The following B4GALT2 variants were observed in gnomAD, a reference collection of about 807,000 sequenced individuals.
B4GALT2 encodes N-acetyllactosamine synthase.
Under a neutral mutation model 33.2 loss-of-function variants are expected in B4GALT2, and 18 were observed. The observed-to-expected ratio is 0.54, with a 90% CI of 0.38 to 0.80. B4GALT2 has a LOEUF of 0.80. Among genes scored for constraint, B4GALT2 ranks in the 30% least tolerant of loss-of-function variants. The pLI is 0.00. For synonymous variants in B4GALT2, 214 were observed against 217.6 expected (o/e 0.98, Z 0.15); for missense variants, 404 against 526.2 (o/e 0.77, Z 2.27).
rs1020562966 is a variant in B4GALT2, at chr1:43,982,943, T to C, written c.549+1019T>C. 4.0e-5 allele frequency among the ~76,000 whole-genome samples: 6 copies of C among 149,336 alleles called. No homozygotes were observed. Among genetic ancestry groups the C allele is most frequent in the Non-Finnish European group, 8.9e-5 (6 of 67,288 alleles). On this transcript the variant is annotated intron_variant, in intron 3 of 6. Transcript: ENST00000372324. The surrounding 1 kb of genome is among the most constrained non-coding windows in gnomAD (Gnocchi z 4.3). Reference sequence around the variant, plus strand: ...ACCCTGCGGATGTGTGGGGCGGGAGTCGCGGGGAAGAAGTGGGGTTGTTAC... The same window carrying C: ...ACCCTGCGGATGTGTGGGGCGGGAGCCGCGGGGAAGAAGTGGGGTTGTTAC...
At position 43,981,724 on chromosome 1, in the gene B4GALT2, C is replaced by T. The variant is rs2085599190; in HGVS notation, c.349C>T (p.Pro117Ser). ...RLLIEFTSPM[P>S]LERVQRENPG... is the part of the protein sequence containing the mutation. ...GCTGATCGAGTTCACCTCACCCATG[C>T]CCCTGGAGCGGGTGCAGAGGGAGAA... The change falls in exon 3 of 7, where the codon CCC becomes TCC. Residue 117 changes from proline (P) to serine (S), a missense_variant. Coordinates refer to ENST00000372324, the MANE Select transcript of B4GALT2 (RefSeq NM_003780.5). The surrounding 1 kb of genome is among the most constrained non-coding windows in gnomAD (Gnocchi z 8.1). The T allele has an allele frequency of 6.2e-7, 1 of 1,613,032 alleles. No individual in the cohort carries two copies. The highest frequency in any genetic ancestry group is 8.5e-7 in the Non-Finnish European group (1 of 1,179,812).
Position 43,979,862 on chromosome 1 carries a change from G to T in B4GALT2, c.-53+351G>T. On this transcript the variant is annotated intron_variant, in intron 1 of 6. Coordinates refer to ENST00000372324, the MANE Select transcript of B4GALT2 (RefSeq NM_003780.5). The surrounding 1 kb of genome is among the most constrained non-coding windows in gnomAD (Gnocchi z 4.8). The stretch of plus-strand genomic sequence containing the variant: ...CCCACCCGGTCTGTGCGGCCTGCCC[G>T]TCCGCGGGTGCCACGTGTTCAGCCT... The T allele has an allele frequency of 3.8e-6, 3 of 795,500 alleles. No homozygotes were observed. The highest frequency in any genetic ancestry group is 5.9e-6 in the Non-Finnish European group (3 of 510,924). The allele number at this position is 795,500 out of a possible 1,614,324, so 49.3% of individuals were successfully genotyped here.
intron 1 of B4GALT2, chr1:43,980,007 G>C: frequency 6.6e-7 from 1 of 1,523,372 alleles, no homozygotes; most frequent in Non-Finnish European, 8.8e-7. Flanking sequence ...TGAGAGTCTG[G>C]ATGTATGGCT....
At chr1:43,985,109 G>A in intron 4 of B4GALT2, 54 bp downstream of exon 4, 1 of 1,597,872 alleles carries the variant, frequency 6.3e-7, no homozygotes, top group Non-Finnish European at 8.6e-7. Context: ...CCAGACGCAG[G>A]CCCACTTCCA....
At chr1:43,988,762 G>A (rs1032414195) in intron 6 of B4GALT2, among the ~76,000 whole-genome samples, 3 of 146,920 alleles carry the variant, frequency 2.0e-5, no homozygotes, top group Middle Eastern at 7.2e-3. Context: ...CAGGAGAATC[G>A]CTTGAACCCA....
chr1:43,984,981 G>A lies in B4GALT2; in HGVS notation c.666G>A (p.Met222Ile). 6.2e-7 allele frequency: 1 copy of A among 1,613,942 alleles called. No individual in the cohort carries two copies. Among genetic ancestry groups the A allele is most frequent in the Non-Finnish European group, 8.5e-7 (1 of 1,180,004 alleles). Residue 222 changes from methionine (M) to isoleucine (I), a missense_variant, in exon 4 of 7, where the codon ATG becomes ATA. Transcript: ENST00000372324. The surrounding 1 kb of genome is among the most constrained non-coding windows in gnomAD (Gnocchi z 5.6). ...TCAGCGATGTGGACCTGGTCCCCAT[G>A]GATGACCGCAACCTATACCGCTGCG... ...FIFSDVDLVP[M>I]DDRNLYRCGD...
Position 43,984,501 on chromosome 1 carries a change from C to T in B4GALT2, c.550-364C>T, listed in dbSNP as rs1033471695. ...AAGCCCATGGGAAGGAAGGAATAAG[C>T]GTACTGGGGTGGGGAAGTGTGGTCA... On this transcript the variant is annotated intron_variant, in intron 3 of 6. Coordinates refer to ENST00000372324, the MANE Select transcript of B4GALT2 (RefSeq NM_003780.5). The surrounding 1 kb of genome is among the most constrained non-coding windows in gnomAD (Gnocchi z 5.6). 1.6e-4 allele frequency among the ~76,000 whole-genome samples: 24 copies of T among 152,338 alleles called. No individual in the cohort carries two copies. Among genetic ancestry groups the T allele is most frequent in the African/African-American group, 5.5e-4 (23 of 41,580 alleles).
rs1205634668 is a variant in B4GALT2 at position 43,979,888 on chromosome 1, G to A, written c.-53+377G>A. The A allele has an allele frequency of 6.1e-6, 7 of 1,151,850 alleles. No individual in the cohort carries two copies. In the South Asian group the frequency reaches 1.0e-4, roughly 17 times the overall value. 71.4% of individuals were successfully genotyped at this position (1,151,850 alleles called of 1,614,324 possible). On this transcript the variant is annotated intron_variant, in intron 1 of 6. Transcript: ENST00000372324. This position sits in a 1 kb window ranked among gnomAD's most constrained non-coding sequence, Gnocchi z 4.8. ...TCCGCGGGTGCCACGTGTTCAGCCT[G>A]CCAGCCCCGCCCAAACGCACCCCTC...
intron 6 of B4GALT2, among the ~76,000 whole-genome samples, chr1:43,988,256 A>C (rs2085681324): frequency 6.6e-6 from 1 of 151,554 alleles, no homozygotes; most frequent in Non-Finnish European, 1.5e-5. Context: ...CATGTCTGTA[A>C]TCCCAGCACT....
chr1:43,985,067 C>G lies in B4GALT2; in HGVS notation c.740+12C>G. On this transcript the variant is annotated intron_variant, in intron 4 of 6. Transcript: ENST00000372324. ...AAGTTTGGCTTCCGGTGAGGGCTCTCTTCTCAGCTGGACCCAGCCCTCCTG... is the reference window on the plus strand; with the variant it reads ...AAGTTTGGCTTCCGGTGAGGGCTCTGTTCTCAGCTGGACCCAGCCCTCCTG... 1 of 1,612,820 alleles carries G rather than the reference C, an allele frequency of 6.2e-7. No individual in the cohort carries two copies. Among genetic ancestry groups the G allele is most frequent in the Non-Finnish European group, 8.5e-7 (1 of 1,179,542 alleles).
Position 43,982,999 on chromosome 1 carries a change from G to A in B4GALT2, c.549+1075G>A, listed in dbSNP as rs1052646282. 4.6e-5 allele frequency among the ~76,000 whole-genome samples: 7 copies of A among 152,194 alleles called. No homozygotes were observed. The highest frequency in any genetic ancestry group is 2.1e-4 in the South Asian group (1 of 4,826). On this transcript the variant is annotated intron_variant, in intron 3 of 6. Transcript: ENST00000372324. This position sits in a 1 kb window ranked among gnomAD's most constrained non-coding sequence, Gnocchi z 4.3. ...TAGTGGAGAGTGAGAAAAGAGCGAC[G>A]TCAGGACAGCGCAAGGGTTTCCGCC...
At position 43,981,758 on chromosome 1, in the gene B4GALT2, T is replaced by C; in HGVS notation, c.383T>C (p.Val128Ala). Residue 128 changes from valine to alanine, a missense_variant, in exon 3 of 7, where the codon GTG becomes GCG. Coordinates refer to ENST00000372324, the MANE Select transcript of B4GALT2 (RefSeq NM_003780.5). The surrounding 1 kb of genome is among the most constrained non-coding windows in gnomAD (Gnocchi z 8.1). ...CGGGTGCAGAGGGAGAACCCAGGCGTGCTCATGGGCGGCCGATACACACCG... is the reference window on the plus strand; with the variant it reads ...CGGGTGCAGAGGGAGAACCCAGGCGCGCTCATGGGCGGCCGATACACACCG... ...LERVQRENPG[V>A]LMGGRYTPPD... The C allele has an allele frequency of 6.2e-7, 1 of 1,613,510 alleles. No homozygotes were observed. The highest frequency in any genetic ancestry group is 1.1e-5 in the South Asian group (1 of 91,080).
chr1:43,988,320 G>A lies in B4GALT2; in HGVS notation c.969-1978G>A, dbSNP rs1235423020. ...GAGGTTAGGAGCTCGAGACCAGCCT[G>A]GCCGACATAGTGAAACCTTGTCTCT... On this transcript the variant is annotated intron_variant, in intron 6 of 6. Transcript: ENST00000372324. Among the ~76,000 whole-genome samples, 3 of 149,174 alleles carry A rather than the reference G, an allele frequency of 2.0e-5. No homozygotes were observed. In the East Asian group the frequency reaches 5.9e-4, roughly 29 times the overall value.
In B4GALT2 at chr1:43,990,643, T is replaced by C; in HGVS notation, c.*195T>C. 1.4e-6 allele frequency: 1 copy of C among 725,502 alleles called. No homozygotes were observed. The highest frequency in any genetic ancestry group is 1.9e-5 in the South Asian group (1 of 54,020). 44.9% of individuals were successfully genotyped at this position (725,502 alleles called of 1,614,324 possible). On this transcript the variant is annotated 3_prime_UTR_variant, in exon 7 of 7. Transcript: ENST00000372324. ...GGGGGCCTCCTGCCTGGGCAGGCTC[T>C]TCAAGTGTGGCCCTCTTTGGAGTCA...
chr1:43,987,412 C>T (rs540551837), intron 6 of B4GALT2, among the ~76,000 whole-genome samples: 1 of 152,266 alleles, frequency 6.6e-6, no homozygotes, highest in Admixed American at 6.5e-5. Context: ...GCCCTTCTCC[C>T]AGCCAGCCTG....
intron 6 of B4GALT2, among the ~76,000 whole-genome samples, 179 bp from the exon 7 acceptor site, chr1:43,990,119 C>T (rs970766939): frequency 1.4e-4 from 21 of 152,256 alleles, no homozygotes; most frequent in African/African-American, 5.1e-4. Flanking sequence ...TGCAAAAGGG[C>T]GTGGGCATAA....
At chr1:43,983,216 G>A (rs1226510645) in intron 3 of B4GALT2, among the ~76,000 whole-genome samples, 1 of 152,156 alleles carries the variant, frequency 6.6e-6, no homozygotes, top group Non-Finnish European at 1.5e-5. Context: ...GTGGAGAGAG[G>A]GATCTGGGAG....
chr1:43,983,072 CAG>C (rs2085617839), intron 3 of B4GALT2, among the ~76,000 whole-genome samples: 1 of 152,154 alleles, frequency 6.6e-6, no homozygotes, highest in Non-Finnish European at 1.5e-5. Flanking sequence ...GATGGGGACA[CAG>C]GAGCTGGGCC....
rs1157028986 is a variant in B4GALT2, at chr1:43,982,287, C to G, written c.549+363C>G. On this transcript the variant is annotated intron_variant, in intron 3 of 6. Transcript: ENST00000372324. The surrounding 1 kb of genome is among the most constrained non-coding windows in gnomAD (Gnocchi z 4.3). ...AACCCTTTGGGGTAGGTGCCAGCCA[C>G]AGCTGAGGCCAGGGCACTCAGCTCA... Among the ~76,000 whole-genome samples, 2 of 152,156 alleles carry G rather than the reference C, an allele frequency of 1.3e-5. No homozygotes were observed. The highest frequency in any genetic ancestry group is 1.3e-4 in the Admixed American group (2 of 15,292).
Sources: allele counts gnomAD v4.1 joint callset (sites outside exome capture counted in the v4.1 genomes callset), GRCh38; gene constraint gnomAD v4.1.1; non-coding constraint Gnocchi (gnomAD v3.1); transcripts MANE v1.5; gene names NCBI Gene and HGNC (gene_info 2026-07-23, HGNC 2026-07-21).